Variants in LRIG1 observed in about 807,000 individuals in gnomAD.
LRIG1 encodes the protein leucine rich repeats and immunoglobulin like domains 1, also known as leucine-rich repeats and immunoglobulin-like domains protein 1.
A neutral mutation model predicts 99.2 loss-of-function variants in LRIG1; 48 were observed. That is an observed-to-expected ratio of 0.48 (90% CI 0.38 to 0.62). LRIG1 has a LOEUF of 0.62. Among genes scored for constraint, LRIG1 ranks in the 20% least tolerant of loss-of-function variants. LRIG1 has a pLI of 0.00. For synonymous variants in LRIG1, 772 were observed against 596.1 expected (o/e 1.29, Z -4.30); for missense variants, 1,646 against 1,434.4 (o/e 1.15, Z -2.38).
intron 12 of LRIG1, 66 bp from the exon 13 acceptor site, chr3:66,386,367 C>A: frequency 7.3e-7 from 1 of 1,378,600 alleles, no homozygotes; most frequent in Non-Finnish European, 1.0e-6. Context: ...AGCTGCTGTT[C>A]ATGCTAACAG....
rs572604361 is a variant in LRIG1, at chr3:66,405,086, C to A, written c.1160+112G>T. ...GCTCTGCCCCAAACAAAAGCCAGCT[C>A]CTCTTCCGCCTGGGCCCAGAGCAGA... On this transcript the variant is annotated intron_variant, in intron 9 of 18. Transcript: ENST00000273261. 808 of 880,000 alleles carry A rather than the reference C, an allele frequency of 9.2e-4. 12 individuals are homozygous for A. The South Asian group carries it at 0.011, about 12-fold the overall frequency. 54.5% of individuals were successfully genotyped at this position (880,000 alleles called of 1,614,324 possible).
At chr3:66,459,431 T>C (rs908675782) in intron 2 of LRIG1, among the ~76,000 whole-genome samples, 11 of 152,200 alleles carry the variant, frequency 7.2e-5, no homozygotes, top group Non-Finnish European at 7.3e-5. Context: ...CACCCCTCCA[T>C]CGTGCATGCC....
chr3:66,382,862 AC>A (rs2107924851), intron 15 of LRIG1, 119 bp downstream of exon 15: 3 of 868,240 alleles, frequency 3.5e-6, no homozygotes, highest in Non-Finnish European at 5.2e-6. Context: ...GTGGGACTAA[AC>A]CCTCAGGAGT....
At chr3:66,405,607 C>G (rs1702238726) in intron 8 of LRIG1, 1 of 618,036 alleles carries the variant, frequency 1.6e-6, no homozygotes, top group Admixed American at 3.6e-5. Flanking sequence ...GGCCCCAGCA[C>G]TGAGAATCAA....
intron 3 of LRIG1, among the ~76,000 whole-genome samples, chr3:66,420,477 C>G (rs1702768515): frequency 6.6e-6 from 1 of 152,200 alleles, no homozygotes; most frequent in Non-Finnish European, 1.5e-5. Context: ...ATCTAAATAA[C>G]TGAAAGCAGA....
intron 1 of LRIG1, among the ~76,000 whole-genome samples, chr3:66,493,143 A>G (rs1051020647): frequency 6.6e-6 from 1 of 152,216 alleles, no homozygotes; most frequent in African/African-American, 2.4e-5. Flanking sequence ...AGTTAGCCCT[A>G]AAGTCTGTAA....
In LRIG1 at chr3:66,462,520, C is replaced by G. The variant is rs1700377856; in HGVS notation, c.219-11G>C. 2 of 1,602,674 alleles carry G rather than the reference C, an allele frequency of 1.2e-6. No individual in the cohort carries two copies. The highest frequency in any genetic ancestry group is 8.5e-7 in the Non-Finnish European group (1 of 1,171,612). ...TTGTAACTCAGGTTTCTGGTAAAGA[C>G]AGAGAGAGAAAAAAACGGAATCAAC... On this transcript the variant is annotated splice_polypyrimidine_tract_variant and intron_variant, in intron 1 of 18. Transcript: ENST00000273261.
At chr3:66,420,143 G>A (rs1258134312) in intron 3 of LRIG1, among the ~76,000 whole-genome samples, 2 of 152,124 alleles carry the variant, frequency 1.3e-5, no homozygotes, top group African/African-American at 4.8e-5. Context: ...GCCAAGAATT[G>A]AACATTGTTC....
intron 1 of LRIG1, among the ~76,000 whole-genome samples, chr3:66,484,778 A>C (rs750871175): frequency 1.1e-4 from 17 of 152,218 alleles, no homozygotes; most frequent in Non-Finnish European, 7.3e-5. Flanking sequence ...GGTTGCAAAC[A>C]GATGTGAGTA....
At position 66,463,135 on chromosome 3, in the gene LRIG1, C is replaced by T. The variant is rs1055627922; in HGVS notation, c.219-626G>A. Among the ~76,000 whole-genome samples the T allele has an allele frequency of 2.0e-5, 3 of 152,138 alleles. No homozygotes were observed. In the South Asian group the frequency reaches 6.2e-4, roughly 32 times the overall value. On this transcript the variant is annotated intron_variant, in intron 1 of 18. Coordinates refer to ENST00000273261, the MANE Select transcript of LRIG1 (RefSeq NM_015541.3). ...CAGCCCTGCACGACTGAGAACTGCG[C>T]GGCCCTAAATGTCAATCCTAGGATT... is the stretch of plus-strand genomic sequence containing the variant.
At position 66,383,097 on chromosome 3, in the gene LRIG1, C is replaced by A. The variant is rs143464927; in HGVS notation, c.2376G>T (p.Thr792=). Residue 792 remains threonine, a synonymous_variant, in exon 15 of 19, where the codon ACG becomes ACT. Transcript: ENST00000273261. ...PAAGCRKDGT[T]VGIFTIAVVS... ...CGACAGCAATGGTGAAGATGCCTAC[C>A]GTGGTCCCATCCTTCCTGCAGCCTG... is the stretch of plus-strand genomic sequence containing the variant. 6.2e-7 allele frequency: 1 copy of A among 1,614,256 alleles called. No individual in the cohort carries two copies. Among genetic ancestry groups the A allele is most frequent in the Non-Finnish European group, 8.5e-7 (1 of 1,180,056 alleles).
At position 66,383,034 on chromosome 3, in the gene LRIG1, GCA is replaced by G; in HGVS notation, c.2437_2438del (p.Cys813HisfsTer10). The G allele has an allele frequency of 6.2e-7, 1 of 1,614,110 alleles. No individual in the cohort carries two copies. Among genetic ancestry groups the G allele is most frequent in the Non-Finnish European group, 8.5e-7 (1 of 1,180,016 alleles). On this transcript the variant is annotated frameshift_variant, in exon 15 of 19. Coordinates refer to ENST00000273261, the MANE Select transcript of LRIG1 (RefSeq NM_015541.3). LOFTEE classifies it high-confidence loss of function. ...SIVLTSLVWV[C>X]IIYQTRKKSE... ...TCTTCTTCCTGGTCTGGTAGATGAT[GCA>G]CACCCAGACCAGTGACGTCAGGACG...
chr3:66,417,293 G>C (rs1702644185), intron 3 of LRIG1, 27 bp from the exon 4 acceptor site: 1 of 1,599,794 alleles, frequency 6.3e-7, no homozygotes, highest in African/African-American at 1.3e-5. Flanking sequence ...GAGGTGACTT[G>C]AGCATCTCTT....
chr3:66,421,663 T>G (rs1304970060), intron 3 of LRIG1, among the ~76,000 whole-genome samples: 1 of 152,182 alleles, frequency 6.6e-6, no homozygotes, highest in Non-Finnish European at 1.5e-5. Flanking sequence ...GATCTACCAT[T>G]CTGGGGTCTA....
intron 12 of LRIG1, chr3:66,387,156 C>CTT (rs1342795951): frequency 6.6e-6 from 1 of 151,008 alleles, no homozygotes; most frequent in Non-Finnish European, 1.5e-5. Flanking sequence ...GCGCAGCTGT[C>CTT]TGAGGGGACA....
chr3:66,426,449 G>A (rs1392607264), intron 3 of LRIG1, among the ~76,000 whole-genome samples: 1 of 152,170 alleles, frequency 6.6e-6, no homozygotes, highest in Non-Finnish European at 1.5e-5. Flanking sequence ...AATTCTTGCT[G>A]TCATGCAATT....
intron 3 of LRIG1, among the ~76,000 whole-genome samples, chr3:66,424,407 C>A (rs749374632): frequency 3.3e-5 from 5 of 152,170 alleles, no homozygotes; most frequent in Non-Finnish European, 1.5e-5. Context: ...TGCAGGGAAG[C>A]CTTCCCACCT....
At chr3:66,425,114 T>G (rs1702937481) in intron 3 of LRIG1, among the ~76,000 whole-genome samples, 1 of 152,240 alleles carries the variant, frequency 6.6e-6, no homozygotes, top group African/African-American at 2.4e-5. Flanking sequence ...CTGCTGGAGC[T>G]TGCCCAAGGT....
intron 17 of LRIG1, 123 bp downstream of exon 17, chr3:66,381,356 C>G: frequency 1.0e-6 from 1 of 955,080 alleles, no homozygotes. Context: ...CCTGTATATA[C>G]TGAATACCAA....
Sources: allele counts gnomAD v4.1 joint callset (sites outside exome capture counted in the v4.1 genomes callset), GRCh38; gene constraint gnomAD v4.1.1; transcripts MANE v1.5; gene names NCBI Gene and HGNC (gene_info 2026-07-23, HGNC 2026-07-21).